Variants in PIEZO2 observed in about 807,000 individuals in gnomAD.
PIEZO2 encodes piezo type mechanosensitive ion channel component 2, also known as piezo-type mechanosensitive ion channel component 2.
In PIEZO2, 172 loss-of-function variants were observed where a neutral mutation model predicts 337.3. The observed-to-expected ratio is 0.51, with a 90% CI of 0.45 to 0.58. PIEZO2 has a LOEUF of 0.58. Ranked by LOEUF, PIEZO2 falls within the 20% of genes least tolerant of loss-of-function variation. The pLI, the probability that PIEZO2 is intolerant of heterozygous loss-of-function variation, is 0.00. For missense variants in PIEZO2, 3,028 were observed against 3,391.3 expected (o/e 0.89, Z 2.66); for synonymous variants, 1,251 against 1,228.5 (o/e 1.02, Z -0.38).
At chr18:11,082,091 AC>A (rs1489645779) in intron 1 of PIEZO2, among the ~76,000 whole-genome samples, 1 of 151,880 alleles carries the variant, frequency 6.6e-6, no homozygotes, top group Non-Finnish European at 1.5e-5. Flanking sequence ...TCTCCTGCAG[AC>A]AAAAATGGGG....
At chr18:10,762,713 G>T (rs141678447) in intron 22 of PIEZO2, 88 bp from the exon 23 acceptor site, 3 of 1,448,136 alleles carry the variant, frequency 2.1e-6, no homozygotes, top group Non-Finnish European at 2.8e-6. Context: ...TGAGCAAAAT[G>T]ATAGTGGTAG....
At chr18:10,977,044 C>A (rs796379970) in intron 3 of PIEZO2, among the ~76,000 whole-genome samples, 5 of 94,888 alleles carry the variant, frequency 5.3e-5, no homozygotes, top group African/African-American at 1.8e-4. Context: ...TGTATGTAAG[C>A]TTGCCTGTCT....
At chr18:10,747,637 C>A (rs1216172692) in intron 30 of PIEZO2, among the ~76,000 whole-genome samples, 1 of 152,176 alleles carries the variant, frequency 6.6e-6, no homozygotes, top group Non-Finnish European at 1.5e-5. Flanking sequence ...CCGACTAGGG[C>A]CTCTTTCTAT....
rs143682406 is a variant in PIEZO2, at chr18:10,972,517, G to C, written c.286+7018C>G. On this transcript the variant is annotated intron_variant, in intron 3 of 55. Coordinates refer to ENST00000674853, the MANE Select transcript of PIEZO2 (RefSeq NM_001378183.1). ...GTTGCTAAGAAGGTGAAAAATTCTG[G>C]AAGAAAAACTCAGGGTCACTAAAGA... 5.3e-5 allele frequency among the ~76,000 whole-genome samples: 8 copies of C among 152,162 alleles called. No individual in the cohort carries two copies. The East Asian group carries it at 1.2e-3, about 22-fold the overall frequency.
intron 1 of PIEZO2, among the ~76,000 whole-genome samples, chr18:11,133,922 A>G (rs531428837): frequency 3.3e-5 from 5 of 152,142 alleles, no homozygotes; most frequent in African/African-American, 1.2e-4. Flanking sequence ...TGTCCCTCTA[A>G]GAGAACCTTG....
chr18:11,081,151 T>A (rs2038725017), intron 1 of PIEZO2, among the ~76,000 whole-genome samples: 1 of 152,352 alleles, frequency 6.6e-6, no homozygotes, highest in African/African-American at 2.4e-5. Context: ...GAGGTTCTAC[T>A]GAAAGGCAAA....
At chr18:10,936,079 A>G (rs958801848) in intron 3 of PIEZO2, among the ~76,000 whole-genome samples, 1 of 152,176 alleles carries the variant, frequency 6.6e-6, no homozygotes, top group African/African-American at 2.4e-5. Flanking sequence ...CAAAATTCCA[A>G]TTACTTTTCA....
intron 2 of PIEZO2, among the ~76,000 whole-genome samples, chr18:11,045,252 C>T (rs760859463): frequency 1.2e-4 from 16 of 135,238 alleles, no homozygotes; most frequent in African/African-American, 3.4e-4. Flanking sequence ...TTTGAGATCG[C>T]GCCACTGCAC....
At position 11,033,980 on chromosome 18, in the gene PIEZO2, A is replaced by G. The variant is rs72872206; in HGVS notation, c.160+32147T>C. 0.21 allele frequency among the ~76,000 whole-genome samples: 31,351 copies of G among 151,822 alleles called. 3,748 individuals are homozygous for G. Among genetic ancestry groups the G allele is most frequent in the African/African-American group, 0.33 (13,438 of 41,312 alleles). On this transcript the variant is annotated intron_variant, in intron 2 of 55. Coordinates refer to ENST00000674853, the MANE Select transcript of PIEZO2 (RefSeq NM_001378183.1). This position sits in a 1 kb window ranked among gnomAD's most constrained non-coding sequence, Gnocchi z 4.2. Reference sequence around the variant, plus strand: ...TTGTGCTGATTTGAAACTGAAGGGGAAAAAAACCCTCAGATTTAAAAAAAA... The same window carrying G: ...TTGTGCTGATTTGAAACTGAAGGGGGAAAAAACCCTCAGATTTAAAAAAAA...
intron 2 of PIEZO2, among the ~76,000 whole-genome samples, chr18:11,045,971 A>G (rs2037297910): frequency 6.6e-6 from 1 of 152,174 alleles, no homozygotes; most frequent in Non-Finnish European, 1.5e-5. Flanking sequence ...TCGCATGAAT[A>G]AATGTACAGG....
chr18:10,862,864 AT>A lies in PIEZO2; in HGVS notation c.493-5654del, dbSNP rs1279137530. Among the ~76,000 whole-genome samples, 2 of 152,072 alleles carry A rather than the reference AT, an allele frequency of 1.3e-5. No individual in the cohort carries two copies. The highest frequency in any genetic ancestry group is 2.4e-5 in the African/African-American group (1 of 41,348). ...CTGAATAGGCACAATTTGAAAATAT[AT>A]TTTTTTAATCATATCCTAGCAGACT... On this transcript the variant is annotated intron_variant, in intron 5 of 55. Coordinates refer to ENST00000674853, the MANE Select transcript of PIEZO2 (RefSeq NM_001378183.1). The surrounding 1 kb of genome is among the most constrained non-coding windows in gnomAD (Gnocchi z 4.4).
intron 1 of PIEZO2, among the ~76,000 whole-genome samples, chr18:11,076,256 T>A (rs2038540869): frequency 6.6e-6 from 1 of 152,218 alleles, no homozygotes; most frequent in East Asian, 1.9e-4. Context: ...ACAGAAACAT[T>A]GTATTCTACA....
At chr18:10,678,087 T>C (rs2034094096) in intron 52 of PIEZO2, among the ~76,000 whole-genome samples, 1 of 152,194 alleles carries the variant, frequency 6.6e-6, no homozygotes, top group Non-Finnish European at 1.5e-5. Context: ...CAAACACTTT[T>C]AAAACAGAGT....
At chr18:11,063,434 TA>T (rs5823133) in intron 2 of PIEZO2, among the ~76,000 whole-genome samples, 98,772 of 151,578 alleles carry the variant, frequency 0.65, 32,817 homozygotes, top group East Asian at 0.97. Flanking sequence ...AGTATAATAA[TA>T]AAAAAAAAGA....
rs2145748701 is a variant in PIEZO2, at chr18:11,028,342, C to T, written c.160+37785G>A. ...ATGGCGTGATCTCGGCTCATTGCAA[C>T]CTCTGCCTCCCAGGTTCAAGCAATT... On this transcript the variant is annotated intron_variant, in intron 2 of 55. Coordinates refer to ENST00000674853, the MANE Select transcript of PIEZO2 (RefSeq NM_001378183.1). This position sits in a 1 kb window ranked among gnomAD's most constrained non-coding sequence, Gnocchi z 4.8. 6.6e-6 allele frequency among the ~76,000 whole-genome samples: 1 copy of T among 152,038 alleles called. No homozygotes were observed. The highest frequency in any genetic ancestry group is 2.1e-4 in the South Asian group (1 of 4,800).
intron 5 of PIEZO2, among the ~76,000 whole-genome samples, 167 bp downstream of exon 5, chr18:10,871,086 C>T (rs980893145): frequency 6.6e-6 from 1 of 151,916 alleles, no homozygotes; most frequent in African/African-American, 2.4e-5. Flanking sequence ...GTCTGCCCAC[C>T]GGGACTGCAC....
At chr18:10,715,004 C>T (rs1299140772) in intron 38 of PIEZO2, 74 bp from the exon 39 acceptor site, 7 of 1,437,934 alleles carry the variant, frequency 4.9e-6, no homozygotes, top group Non-Finnish European at 6.5e-6. Context: ...TTTCTCAACA[C>T]AGACAGCTTT....
intron 7 of PIEZO2, among the ~76,000 whole-genome samples, chr18:10,818,019 T>C (rs1410673255): frequency 1.3e-5 from 2 of 152,062 alleles, no homozygotes; most frequent in Non-Finnish European, 2.9e-5. Context: ...TTACAACATA[T>C]GCTAAATAAA....
rs2035608446 is a variant in PIEZO2 at position 11,003,200 on chromosome 18, A to G, written c.161-23540T>C. Among the ~76,000 whole-genome samples, 1 of 152,338 alleles carries G rather than the reference A, an allele frequency of 6.6e-6. No homozygotes were observed. Among genetic ancestry groups the G allele is most frequent in the South Asian group, 2.1e-4 (1 of 4,832 alleles). ...GTGTGGTATTAACTGTAGCACTAAGATAAGTTTCCATGTAAAACAGAAACC... is the reference window on the plus strand; with the variant it reads ...GTGTGGTATTAACTGTAGCACTAAGGTAAGTTTCCATGTAAAACAGAAACC... On this transcript the variant is annotated intron_variant, in intron 2 of 55. Transcript: ENST00000674853. The surrounding 1 kb of genome is among the most constrained non-coding windows in gnomAD (Gnocchi z 4.6).
Sources: gnomAD v4.1 joint callset for allele counts (sites outside exome capture counted in the v4.1 genomes callset) on GRCh38, gnomAD v4.1.1 for gene constraint, Gnocchi (gnomAD v3.1) non-coding constraint, MANE v1.5 for transcripts, NCBI Gene and HGNC (gene_info 2026-07-23, HGNC 2026-07-21) for gene names.